The following CGGBP1 variants were observed in gnomAD, a reference collection of about 807,000 sequenced individuals.
CGGBP1 encodes CGG triplet repeat-binding protein 1.
A neutral mutation model predicts 11.4 loss-of-function variants in CGGBP1; 4 were observed. The ratio of observed to expected loss-of-function variants is 0.35; its 90% CI spans 0.17 to 0.80. The LOEUF (loss-of-function observed/expected upper bound fraction) is 0.80, where lower values mean the gene tolerates loss of function less well. Ranked by LOEUF, CGGBP1 falls within the 30% of genes least tolerant of loss-of-function variation. CGGBP1 has a pLI of 0.52. For missense variants in CGGBP1, 135 were observed against 202.1 expected (o/e 0.67, Z 2.01); for synonymous variants, 76 against 74.1 (o/e 1.03, Z -0.13).
At chr3:88,065,652 C>T (rs1707155329) in intron 2 of CGGBP1, among the ~76,000 whole-genome samples, 1 of 151,730 alleles carries the variant, frequency 6.6e-6, no homozygotes, top group Non-Finnish European at 1.5e-5. Flanking sequence ...ATTAAACCTA[C>T]TTTATAATCA....
chr3:88,081,426 C>T (rs971541244), intron 2 of CGGBP1, among the ~76,000 whole-genome samples: 4 of 152,040 alleles, frequency 2.6e-5, no homozygotes, highest in African/African-American at 7.2e-5. Context: ...CTATTAGCAT[C>T]GATGCATGGA....
intron 2 of CGGBP1, among the ~76,000 whole-genome samples, chr3:88,113,542 A>G (rs1008687389): frequency 2.0e-5 from 3 of 152,054 alleles, no homozygotes; most frequent in Non-Finnish European, 4.4e-5. Flanking sequence ...CCTTGGCTGT[A>G]CCTTGATTTT....
intron 2 of CGGBP1, among the ~76,000 whole-genome samples, chr3:88,126,812 GACTA>G (rs762100346): frequency 1.6e-4 from 24 of 152,060 alleles, no homozygotes; most frequent in Non-Finnish European, 2.9e-4. Flanking sequence ...GTGAATAAGT[GACTA>G]ACTGAATGAA....
chr3:88,139,205 T>C (rs577079697), intron 2 of CGGBP1: 7 of 1,460,178 alleles, frequency 4.8e-6, no homozygotes, highest in Non-Finnish European at 3.6e-6. Context: ...AGACTGATCC[T>C]GATGATGTAT....
exon 1 of CGGBP1, chr3:88,149,819 C>A: frequency 1.8e-6 from 1 of 542,336 alleles, no homozygotes; most frequent in Non-Finnish European, 3.3e-6. Context: ...CAGCACTTCC[C>A]TTAATTGAGA....
At chr3:88,070,512 A>T (rs1346004235) in intron 2 of CGGBP1, among the ~76,000 whole-genome samples, 1 of 151,940 alleles carries the variant, frequency 6.6e-6, no homozygotes, top group Admixed American at 6.6e-5. Context: ...ACATACCAAA[A>T]AAAGTTATGA....
At chr3:88,128,905 T>C (rs1043494461) in intron 2 of CGGBP1, 10 of 1,535,562 alleles carry the variant, frequency 6.5e-6, no homozygotes, top group African/African-American at 1.4e-5. Context: ...ATGGCTCTTA[T>C]TAAATCTTGT....
chr3:88,060,332 G>A (rs1439117051), upstream of CGGBP1, among the ~76,000 whole-genome samples: 2 of 152,214 alleles, frequency 1.3e-5, no homozygotes, highest in East Asian at 3.9e-4. Flanking sequence ...GTTTGATGTT[G>A]TTCAAAGTGT....
Position 88,129,783 on chromosome 3 carries a change from T to C in CGGBP1, c.-229+11187A>G, listed in dbSNP as rs572790536. 483 of 1,527,240 alleles carry C rather than the reference T, an allele frequency of 3.2e-4. 1 individual carries two copies. Among genetic ancestry groups the C allele is most frequent in the Non-Finnish European group, 4.1e-4 (468 of 1,140,878 alleles). The allele number at this position is 1,527,240 out of a possible 1,614,324, so 94.6% of individuals were successfully genotyped here. A position where few individuals can be genotyped will look rare whatever the true frequency, so the allele number is the denominator to read the frequency against. On this transcript the variant is annotated intron_variant, in intron 2 of 3. Coordinates refer to the CGGBP1 transcript ENST00000462901. ...GTTAGCCTTGCAACTCTGTGAATCCTTTCTTATTCCACAGCTCCAGAATGG... is the reference window on the plus strand; with the variant it reads ...GTTAGCCTTGCAACTCTGTGAATCCCTTCTTATTCCACAGCTCCAGAATGG...
chr3:88,056,158 A>G, intron 3 of CGGBP1, 159 bp from the exon 4 acceptor site: 1 of 559,240 alleles, frequency 1.8e-6, no homozygotes, highest in East Asian at 3.0e-5. Context: ...CCTGAAATAT[A>G]TAAGGGAAGG....
upstream of CGGBP1, chr3:88,059,421 C>T: frequency 2.6e-6 from 4 of 1,527,088 alleles, no homozygotes; most frequent in Non-Finnish European, 3.5e-6. Context: ...GAGCTGCGGG[C>T]GACGGCAGAG....
chr3:88,070,736 C>T (rs961462295), intron 2 of CGGBP1, among the ~76,000 whole-genome samples: 1 of 152,080 alleles, frequency 6.6e-6, no homozygotes, highest in African/African-American at 2.4e-5. Context: ...ATGTCAGTTC[C>T]TGTCCTAGAT....
At chr3:88,070,669 T>C (rs1312133209) in intron 2 of CGGBP1, among the ~76,000 whole-genome samples, 1 of 151,066 alleles carries the variant, frequency 6.6e-6, no homozygotes, top group Admixed American at 6.6e-5. Flanking sequence ...GGCTGAATAA[T>C]TGGGTTGGAG....
intron 2 of CGGBP1, among the ~76,000 whole-genome samples, chr3:88,098,000 G>C (rs1399919018): frequency 6.6e-6 from 1 of 152,022 alleles, no homozygotes; most frequent in African/African-American, 2.4e-5. Context: ...AACTGAAGGA[G>C]ATAGAGACAT....
intron 2 of CGGBP1, among the ~76,000 whole-genome samples, chr3:88,066,289 C>T (rs571454311): frequency 8.7e-4 from 132 of 152,234 alleles, no homozygotes; most frequent in Admixed American, 5.9e-4. Flanking sequence ...AAAATCTATC[C>T]GTGCCAGGGT....
Position 88,065,134 on chromosome 3 carries a change from A to G in CGGBP1, c.-228-6911T>C, listed in dbSNP as rs1353254238. Among the ~76,000 whole-genome samples, 3 of 152,234 alleles carry G rather than the reference A, an allele frequency of 2.0e-5. No homozygotes were observed. In the East Asian group the frequency reaches 5.8e-4, roughly 29 times the overall value. On this transcript the variant is annotated intron_variant, in intron 2 of 3. Transcript: ENST00000462901. ...ATTTTAGCTTTTTAAAAAGTTTTCA[A>G]ATTTTGGCACATTTGGGATATTTCA...
chr3:88,067,854 T>TTG (rs1707289063), intron 2 of CGGBP1, among the ~76,000 whole-genome samples: 1 of 151,974 alleles, frequency 6.6e-6, no homozygotes, highest in South Asian at 2.1e-4. Flanking sequence ...ACTGGAGGCA[T>TTG]TGTGGATTGA....
intron 2 of CGGBP1, among the ~76,000 whole-genome samples, chr3:88,096,974 A>G (rs1704101568): frequency 6.6e-6 from 1 of 152,134 alleles, no homozygotes; most frequent in African/African-American, 2.4e-5. Flanking sequence ...TCACTTAGAT[A>G]CCTTTCCCCA....
At chr3:88,075,829 C>T (rs1707771284) in intron 2 of CGGBP1, among the ~76,000 whole-genome samples, 1 of 151,958 alleles carries the variant, frequency 6.6e-6, no homozygotes, top group Non-Finnish European at 1.5e-5. Flanking sequence ...GAAGGAAAGT[C>T]AAGGAGTTCC....
Sources: gnomAD v4.1 joint callset for allele counts (sites outside exome capture counted in the v4.1 genomes callset) on GRCh38, gnomAD v4.1.1 for gene constraint, MANE v1.5 for transcripts, NCBI Gene and HGNC (gene_info 2026-07-23, HGNC 2026-07-21) for gene names.